The following PTBP3 variants were observed in gnomAD, a reference collection of about 807,000 sequenced individuals.
The protein encoded by PTBP3 is polypyrimidine tract-binding protein 3.
In PTBP3, 20 loss-of-function variants were observed where a neutral mutation model predicts 58.7. That is an observed-to-expected ratio of 0.34 (90% CI 0.24 to 0.50). The LOEUF is 0.50. Among genes scored for constraint, PTBP3 ranks in the 20% least tolerant of loss-of-function variants. PTBP3 has a pLI of 0.98. For missense variants in PTBP3, 509 were observed against 637.2 expected (o/e 0.80, Z 2.17); for synonymous variants, 185 against 219.8 (o/e 0.84, Z 1.40).
At chr9:112,317,245 C>A (rs4634725) in intron 1 of PTBP3, among the ~76,000 whole-genome samples, 126,741 of 150,746 alleles carry the variant, frequency 0.84, 53,474 homozygotes, top group African/African-American at 0.92. Flanking sequence ...ACCCCATATC[C>A]AAAAAAAAAG....
At chr9:112,355,484 G>A in the PTBP3 span, among the ~76,000 whole-genome samples, 2 of 152,180 alleles carry the variant, frequency 1.3e-5, no homozygotes, top group African/African-American at 4.8e-5. Context: ...TGCAAAGGAA[G>A]TTCAGAAGTA....
the PTBP3 span, among the ~76,000 whole-genome samples, chr9:112,356,901 CAG>C: frequency 1.9e-5 from 1 of 53,816 alleles, no homozygotes; most frequent in Non-Finnish European, 3.4e-5. Context: ...TTTTTTGAGA[CAG>C]AGTTTCACTC....
At chr9:112,361,258 G>A in the PTBP3 span, among the ~76,000 whole-genome samples, 3 of 151,986 alleles carry the variant, frequency 2.0e-5, no homozygotes, top group South Asian at 6.2e-4. Context: ...CACCATACCT[G>A]GATAATTTTT....
At chr9:112,268,729 A>T (rs966787813) in intron 3 of PTBP3, among the ~76,000 whole-genome samples, 10 of 149,554 alleles carry the variant, frequency 6.7e-5, no homozygotes, top group Admixed American at 1.3e-4. Flanking sequence ...AAAAAAAAAA[A>T]AAAAAAGGAT....
intron 4 of PTBP3, among the ~76,000 whole-genome samples, chr9:112,265,098 G>T (rs867131577): frequency 1.7e-4 from 26 of 152,126 alleles, no homozygotes; most frequent in African/African-American, 5.8e-4. Context: ...TTTTTTGGGG[G>T]ACAGGAGTTA....
intron 4 of PTBP3, among the ~76,000 whole-genome samples, chr9:112,266,202 A>T (rs914817309): frequency 2.6e-4 from 40 of 152,198 alleles, no homozygotes; most frequent in African/African-American, 9.2e-4. Flanking sequence ...ACTATACAAC[A>T]ATGTGAGTGT....
chr9:112,304,775 TTACTC>T (rs1174242485), intron 1 of PTBP3, among the ~76,000 whole-genome samples: 26 of 152,298 alleles, frequency 1.7e-4, no homozygotes, highest in Non-Finnish European at 1.8e-4. Flanking sequence ...TTATTATACT[TTACTC>T]TACTGATTGA....
intron 2 of PTBP3, among the ~76,000 whole-genome samples, chr9:112,285,970 G>A (rs962787030): frequency 1.3e-5 from 2 of 152,060 alleles, no homozygotes; most frequent in South Asian, 2.1e-4. Context: ...TTCACTTTAC[G>A]TGTTTTGAAA....
chr9:112,331,136 T>C (rs1016598829), intron 1 of PTBP3, among the ~76,000 whole-genome samples: 3 of 133,416 alleles, frequency 2.2e-5, no homozygotes, highest in East Asian at 2.3e-4. Context: ...CGAGAGACAG[T>C]TGGGATTTGA....
intron 4 of PTBP3, among the ~76,000 whole-genome samples, chr9:112,267,413 C>T (rs1206189474): frequency 2.6e-5 from 4 of 152,110 alleles, no homozygotes; most frequent in African/African-American, 4.8e-5. Flanking sequence ...ACAATCCACC[C>T]GCCTCGGCCT....
At chr9:112,312,635 G>A (rs2094447) in intron 1 of PTBP3, among the ~76,000 whole-genome samples, 44,049 of 151,238 alleles carry the variant, frequency 0.29, 7,115 homozygotes, top group South Asian at 0.41. Context: ...AAGGATATAC[G>A]AGTTCTTTGT....
chr9:112,275,576 A>G (rs1467568496), intron 3 of PTBP3, among the ~76,000 whole-genome samples: 1 of 152,202 alleles, frequency 6.6e-6, no homozygotes, highest in African/African-American at 2.4e-5. Context: ...CAAAATATAA[A>G]TAAAATTAAA....
At chr9:112,278,143 A>G (rs887879656) in intron 2 of PTBP3, among the ~76,000 whole-genome samples, 2 of 152,150 alleles carry the variant, frequency 1.3e-5, no homozygotes, top group African/African-American at 4.8e-5. Context: ...GTGTAAAGGT[A>G]ATTTCTTTTT....
At chr9:112,292,876 C>T (rs1828503577) in intron 2 of PTBP3, among the ~76,000 whole-genome samples, 1 of 152,110 alleles carries the variant, frequency 6.6e-6, no homozygotes, top group African/African-American at 2.4e-5. Flanking sequence ...ACACTGTATA[C>T]TCAAAAATGT....
At chr9:112,340,486 G>A in the PTBP3 span, among the ~76,000 whole-genome samples, 1,166 of 152,120 alleles carry the variant, frequency 7.7e-3, 20 homozygotes, top group African/African-American at 0.027. Context: ...CTATTTTAAC[G>A]TGTTTTTAAA....
intron 6 of PTBP3, among the ~76,000 whole-genome samples, chr9:112,252,007 A>G (rs1836142004): frequency 6.6e-6 from 1 of 152,306 alleles, no homozygotes; most frequent in East Asian, 1.9e-4. Flanking sequence ...AAAAACTGCT[A>G]CAAGATGAAA....
At chr9:112,292,315 CCT>C (rs1448965894) in intron 2 of PTBP3, among the ~76,000 whole-genome samples, 2 of 152,098 alleles carry the variant, frequency 1.3e-5, no homozygotes, top group Non-Finnish European at 2.9e-5. Context: ...AACTGAAACC[CCT>C]GTGTACCACT....
At chr9:112,286,346 T>C (rs980482291) in intron 2 of PTBP3, among the ~76,000 whole-genome samples, 1 of 152,218 alleles carries the variant, frequency 6.6e-6, no homozygotes, top group Non-Finnish European at 1.5e-5. Context: ...TCATTTTTTT[T>C]CTATTTGTCC....
chr9:112,299,707 T>C (rs1828832562), intron 1 of PTBP3, among the ~76,000 whole-genome samples: 1 of 152,116 alleles, frequency 6.6e-6, no homozygotes, highest in African/African-American at 2.4e-5. Flanking sequence ...GTGGGAAGAG[T>C]ATAACTCCCT....
Sources: allele counts gnomAD v4.1 joint callset (sites outside exome capture counted in the v4.1 genomes callset), GRCh38; gene constraint gnomAD v4.1.1; transcripts MANE v1.5; gene names NCBI Gene and HGNC (gene_info 2026-07-23, HGNC 2026-07-21).